Variants in NBAS observed in about 807,000 individuals in gnomAD.
The protein encoded by NBAS is NAG/BC035112 fusion.
In NBAS, 219 loss-of-function variants were observed where a neutral mutation model predicts 302.5. The observed-to-expected ratio is 0.72, with a 90% confidence interval of 0.65 to 0.81. The LOEUF (loss-of-function observed/expected upper bound fraction) is 0.81. Ranked by LOEUF, NBAS falls within the 30% of genes least tolerant of loss-of-function variation. The pLI, the probability that NBAS is intolerant of heterozygous loss-of-function variation, is 0.00. For missense variants in NBAS, 2,932 were observed against 2,841.6 expected, an observed-to-expected ratio of 1.03 and a Z score of -0.72; for synonymous variants, 1,118 against 1,021.6, an observed-to-expected ratio of 1.09 and a Z score of -1.80.
chr2:15,053,081 A>G, the NBAS span, among the ~76,000 whole-genome samples: 2 of 152,220 alleles, frequency 1.3e-5, no homozygotes, highest in African/African-American at 4.8e-5. Context: ...AAAAGAAGAG[A>G]TGGAGCATTT....
chr2:15,116,379 C>G, the NBAS span, among the ~76,000 whole-genome samples: 1 of 151,828 alleles, frequency 6.6e-6, no homozygotes, highest in Non-Finnish European at 1.5e-5. Flanking sequence ...GGCCTGCAGA[C>G]AGCCACCTTC....
intron 12 of NBAS, among the ~76,000 whole-genome samples, chr2:15,487,032 A>AAT (rs1241177680): frequency 6.6e-6 from 1 of 152,222 alleles, no homozygotes; most frequent in Non-Finnish European, 1.5e-5. Flanking sequence ...CAGAATATGA[A>AAT]ATATTAAGAG....
the NBAS span, among the ~76,000 whole-genome samples, chr2:14,941,918 T>C: frequency 2.0e-5 from 3 of 152,190 alleles, no homozygotes; most frequent in Non-Finnish European, 4.4e-5. Flanking sequence ...GAGGATGAGT[T>C]ACAATGTTCA....
At chr2:15,196,615 A>G (rs1665632632) in intron 48 of NBAS, among the ~76,000 whole-genome samples, 1 of 152,242 alleles carries the variant, frequency 6.6e-6, no homozygotes, top group East Asian at 1.9e-4. Context: ...GTAAAAATAA[A>G]GATGAATAAG....
At chr2:14,871,900 A>G in the NBAS span, among the ~76,000 whole-genome samples, 1 of 152,182 alleles carries the variant, frequency 6.6e-6, no homozygotes, top group East Asian at 1.9e-4. Context: ...CAATTATCAC[A>G]TTAGATATAA....
the NBAS span, among the ~76,000 whole-genome samples, chr2:14,958,451 G>A: frequency 1.7e-4 from 26 of 152,182 alleles, no homozygotes; most frequent in Admixed American, 4.6e-4. Context: ...GGGTCTCTGA[G>A]GAACCAGCTG....
chr2:14,961,514 C>T, the NBAS span, among the ~76,000 whole-genome samples: 1 of 152,218 alleles, frequency 6.6e-6, no homozygotes, highest in Admixed American at 6.5e-5. Context: ...GTGGAAGCAG[C>T]CTGAAACCCT....
intron 38 of NBAS, among the ~76,000 whole-genome samples, chr2:15,311,418 C>A (rs761326207): frequency 9.2e-5 from 14 of 152,116 alleles, no homozygotes; most frequent in Admixed American, 3.9e-4. Context: ...CCTCTATAAA[C>A]CACAGGCTTG....
intron 9 of NBAS, among the ~76,000 whole-genome samples, chr2:15,515,731 T>C (rs1456703952): frequency 6.6e-6 from 1 of 152,062 alleles, no homozygotes; most frequent in African/African-American, 2.4e-5. Flanking sequence ...AGGGCAACAC[T>C]GGCCAGAAGT....
At chr2:14,849,620 C>T in the NBAS span, among the ~76,000 whole-genome samples, 31 of 144,036 alleles carry the variant, frequency 2.2e-4, 1 homozygote, top group Admixed American at 2.1e-3. Flanking sequence ...CTCCAAGACA[C>T]ATAATTGTCA....
chr2:15,500,422 T>C (rs1468295818), intron 11 of NBAS, among the ~76,000 whole-genome samples: 1 of 151,214 alleles, frequency 6.6e-6, no homozygotes, highest in East Asian at 1.9e-4. Flanking sequence ...CTGTAGGAAG[T>C]CAGCGTTGAA....
intron 21 of NBAS, among the ~76,000 whole-genome samples, chr2:15,443,740 G>T (rs1022721179): frequency 5.9e-5 from 9 of 151,342 alleles, no homozygotes; most frequent in Non-Finnish European, 1.0e-4. Context: ...ACATGATTGT[G>T]TATCTAGAAA....
the NBAS span, among the ~76,000 whole-genome samples, chr2:14,922,043 A>T: frequency 3.9e-5 from 6 of 152,164 alleles, no homozygotes; most frequent in African/African-American, 1.4e-4. Flanking sequence ...AAGCTCCTAT[A>T]ATAATGCAGC....
At chr2:15,101,270 ATAT>A in the NBAS span, among the ~76,000 whole-genome samples, 1 of 152,174 alleles carries the variant, frequency 6.6e-6, no homozygotes, top group Admixed American at 6.5e-5. Flanking sequence ...TTACTTCAAA[ATAT>A]TATTAATAAT....
the NBAS span, among the ~76,000 whole-genome samples, chr2:15,022,225 T>G: frequency 6.6e-6 from 1 of 152,310 alleles, no homozygotes; most frequent in African/African-American, 2.4e-5. Flanking sequence ...TCAGGTGCTA[T>G]GAGGATTCGA....
chr2:15,082,735 TAAG>T, the NBAS span, among the ~76,000 whole-genome samples: 17 of 152,182 alleles, frequency 1.1e-4, no homozygotes, highest in Admixed American at 9.8e-4. Flanking sequence ...ACAAAGATCA[TAAG>T]AACTATCTTT....
At chr2:15,085,734 C>T in the NBAS span, among the ~76,000 whole-genome samples, 1 of 152,180 alleles carries the variant, frequency 6.6e-6, no homozygotes. Context: ...AGTGCCTGCT[C>T]CCACTACCTG....
chr2:15,208,332 C>T (rs979606782), intron 48 of NBAS, among the ~76,000 whole-genome samples: 1 of 152,072 alleles, frequency 6.6e-6, no homozygotes, highest in Non-Finnish European at 1.5e-5. Context: ...AAAGTGCCCC[C>T]GTGATTCAAT....
At chr2:15,461,083 GAAAAAAGTTT>G in intron 21 of NBAS, 108 bp downstream of exon 21, 1 of 984,796 alleles carries the variant, frequency 1.0e-6, no homozygotes, top group Non-Finnish European at 1.5e-6. Context: ...TTTTTATCAG[GAAAAAAGTTT>G]AAATATATTA....
Sources: allele counts gnomAD v4.1 joint callset (sites outside exome capture counted in the v4.1 genomes callset), GRCh38; gene constraint gnomAD v4.1.1; transcripts MANE v1.5; gene names NCBI Gene and HGNC (gene_info 2026-07-23, HGNC 2026-07-21).